SPMIP2: variants seen among roughly 807,000 people sequenced by gnomAD.
The protein encoded by SPMIP2 is protein SPMIP2.
At chr4:159,049,992 A>G in the SPMIP2 span, among the ~76,000 whole-genome samples, 1 of 152,212 alleles carries the variant, frequency 6.6e-6, no homozygotes, top group Non-Finnish European at 1.5e-5. Flanking sequence ...TCTTGATAAC[A>G]TGTCAAGTAA....
chr4:158,934,420 C>A, the SPMIP2 span, among the ~76,000 whole-genome samples: 1 of 152,076 alleles, frequency 6.6e-6, no homozygotes, highest in Non-Finnish European at 1.5e-5. Context: ...CAAGATCGTG[C>A]CACTGCACTC....
At chr4:158,990,555 G>A in the SPMIP2 span, among the ~76,000 whole-genome samples, 1 of 152,172 alleles carries the variant, frequency 6.6e-6, no homozygotes, top group African/African-American at 2.4e-5. Flanking sequence ...ATACCATGCA[G>A]CCATAAAGAT....
At chr4:158,964,606 T>TA in the SPMIP2 span, among the ~76,000 whole-genome samples, 80,441 of 151,628 alleles carry the variant, frequency 0.53, 22,479 homozygotes, top group South Asian at 0.64. Flanking sequence ...AAAAGGAATA[T>TA]AAAAAATTCT....
the SPMIP2 span, among the ~76,000 whole-genome samples, chr4:159,039,723 A>C: frequency 6.6e-6 from 1 of 152,228 alleles, no homozygotes; most frequent in East Asian, 1.9e-4. Flanking sequence ...TTGTTTATGA[A>C]TCAATAGTTG....
At chr4:158,909,294 CA>C in the SPMIP2 span, 4 of 151,610 alleles carry the variant, frequency 2.6e-5, no homozygotes, top group African/African-American at 9.7e-5. Context: ...GGGAAAGTTA[CA>C]GTAGATATTT....
chr4:159,019,057 T>C, the SPMIP2 span, among the ~76,000 whole-genome samples: 2 of 152,134 alleles, frequency 1.3e-5, no homozygotes. Context: ...GCCACTGGAC[T>C]CCAGCCTGGG....
chr4:158,965,378 A>C, the SPMIP2 span, among the ~76,000 whole-genome samples: 2 of 152,106 alleles, frequency 1.3e-5, no homozygotes, highest in Admixed American at 1.3e-4. Context: ...GCAGGGTCTG[A>C]AATCTGAGTG....
the SPMIP2 span, among the ~76,000 whole-genome samples, chr4:159,037,505 A>T: frequency 2.6e-5 from 4 of 150,950 alleles, no homozygotes; most frequent in South Asian, 8.3e-4. Flanking sequence ...AAGGCCTGGC[A>T]TAGTGGCTTA....
chr4:159,029,933 T>G, the SPMIP2 span, among the ~76,000 whole-genome samples: 1 of 152,178 alleles, frequency 6.6e-6, no homozygotes, highest in Non-Finnish European at 1.5e-5. Flanking sequence ...GCATCAAAAA[T>G]GTATTTTAAA....
chr4:158,934,108 A>G, the SPMIP2 span, among the ~76,000 whole-genome samples: 181 of 152,312 alleles, frequency 1.2e-3, no homozygotes, highest in Non-Finnish European at 1.8e-3. Flanking sequence ...AAAAGCAGAA[A>G]AGCTAGGACT....
At chr4:158,966,572 T>G in the SPMIP2 span, among the ~76,000 whole-genome samples, 1 of 152,218 alleles carries the variant, frequency 6.6e-6, no homozygotes, top group Non-Finnish European at 1.5e-5. Context: ...GCCTTGTATG[T>G]CACTATCATC....
the SPMIP2 span, among the ~76,000 whole-genome samples, chr4:159,078,135 G>A: frequency 6.6e-6 from 1 of 152,088 alleles, no homozygotes; most frequent in Non-Finnish European, 1.5e-5. Flanking sequence ...TAAATGGAAA[G>A]TAAAGGGGGA....
the SPMIP2 span, among the ~76,000 whole-genome samples, chr4:159,067,995 AAAAAGTCAGG>A: frequency 2.0e-5 from 3 of 152,224 alleles, no homozygotes; most frequent in African/African-American, 7.2e-5. Context: ...GGCGATCATT[AAAAAGTCAGG>A]AAACAACAGT....
the SPMIP2 span, among the ~76,000 whole-genome samples, chr4:158,910,906 T>C: frequency 6.6e-6 from 1 of 152,166 alleles, no homozygotes; most frequent in Non-Finnish European, 1.5e-5. Flanking sequence ...ACATCATTGG[T>C]TCTGTTTCTC....
At chr4:158,929,920 C>A in the SPMIP2 span, among the ~76,000 whole-genome samples, 3 of 152,278 alleles carry the variant, frequency 2.0e-5, no homozygotes, top group African/African-American at 7.2e-5. Flanking sequence ...ATGGTCCTTT[C>A]ATTTTAGCCT....
the SPMIP2 span, among the ~76,000 whole-genome samples, chr4:159,048,347 G>A: frequency 6.6e-6 from 1 of 152,200 alleles, no homozygotes; most frequent in South Asian, 2.1e-4. Flanking sequence ...GTGAAATGCC[G>A]TCATTGTGCT....
chr4:159,050,512 T>C, the SPMIP2 span, among the ~76,000 whole-genome samples: 1 of 152,068 alleles, frequency 6.6e-6, no homozygotes, highest in Non-Finnish European at 1.5e-5. Context: ...TTGTTTAAAA[T>C]GTTAAGATAG....
chr4:158,956,538 C>T, the SPMIP2 span, among the ~76,000 whole-genome samples: 5 of 152,180 alleles, frequency 3.3e-5, no homozygotes, highest in South Asian at 2.1e-4. Flanking sequence ...ACTCCAGCCT[C>T]GGCAACAGAG....
the SPMIP2 span, among the ~76,000 whole-genome samples, chr4:158,900,653 C>T: frequency 3.3e-5 from 5 of 152,300 alleles, no homozygotes; most frequent in East Asian, 3.9e-4. Context: ...ACTAGGACTA[C>T]AACCCCTACT....
Sources: allele counts gnomAD v4.1 joint callset (sites outside exome capture counted in the v4.1 genomes callset), GRCh38; gene constraint gnomAD v4.1.1; transcripts MANE v1.5; gene names NCBI Gene and HGNC (gene_info 2026-07-23, HGNC 2026-07-21).